Variants in CDKL4 observed in about 807,000 individuals in gnomAD.
The protein encoded by CDKL4 is cyclin-dependent kinase-like 4.
Under a neutral mutation model 42.0 loss-of-function variants are expected in CDKL4, and 44 were observed. That is an observed-to-expected ratio of 1.05 (90% CI 0.82 to 1.35). The LOEUF is 1.35. CDKL4 is among the 40% of genes most tolerant of loss of function. CDKL4 has a pLI of 0.00. For missense variants in CDKL4, 393 were observed against 369.9 expected, an observed-to-expected ratio of 1.06 and a Z score of -0.51; for synonymous variants, 120 against 121.6, an observed-to-expected ratio of 0.99 and a Z score of 0.09.
chr2:39,206,616 TC>T (rs1308973442), intron 4 of CDKL4, among the ~76,000 whole-genome samples: 1 of 151,992 alleles, frequency 6.6e-6, no homozygotes, highest in South Asian at 2.1e-4. Flanking sequence ...TTATCCACGC[TC>T]CCAAAAAAGA....
At chr2:39,183,733 A>G (rs1675569291) in intron 8 of CDKL4, among the ~76,000 whole-genome samples, 1 of 152,216 alleles carries the variant, frequency 6.6e-6, no homozygotes, top group Non-Finnish European at 1.5e-5. Flanking sequence ...GGGTGAAAGC[A>G]GATCTGGGCA....
intron 5 of CDKL4, among the ~76,000 whole-genome samples, chr2:39,198,599 A>C (rs567390957): frequency 2.6e-5 from 4 of 151,972 alleles, no homozygotes; most frequent in African/African-American, 9.6e-5. Context: ...GCCACAAAAT[A>C]AAAAAATTTA....
downstream of CDKL4, among the ~76,000 whole-genome samples, chr2:39,173,129 T>C (rs78568497): frequency 8.8e-3 from 1,336 of 152,318 alleles, 24 homozygotes; most frequent in African/African-American, 0.03. Flanking sequence ...AATGGAATGC[T>C]GTCTTATTTT....
Position 39,239,111 on chromosome 2 carries a change from C to G in CDKL4, c.-57+4760G>C, listed in dbSNP as rs953558315. 1.3e-5 allele frequency among the ~76,000 whole-genome samples: 2 copies of G among 152,134 alleles called. 1 individual carries two copies. Among genetic ancestry groups the G allele is most frequent in the East Asian group, 3.8e-4 (2 of 5,202 alleles). On this transcript the variant is annotated intron_variant, in intron 1 of 9. Transcript: ENST00000451199. The stretch of plus-strand genomic sequence containing the variant: ...GACAAGGAAAGAATAGTCTTTTCAA[C>G]AAATGATACTAGGACCATTGGATAT...
At chr2:39,246,593 T>C (rs116388537), upstream of CDKL4, among the ~76,000 whole-genome samples, 615 of 152,358 alleles carry the variant, frequency 4.0e-3, 2 homozygotes, top group Non-Finnish European at 5.7e-3. Context: ...TCAATGTCAC[T>C]ATTTCTTGAA....
At chr2:39,204,847 T>C (rs1470415246) in intron 4 of CDKL4, among the ~76,000 whole-genome samples, 1 of 152,114 alleles carries the variant, frequency 6.6e-6, no homozygotes, top group Admixed American at 6.5e-5. Flanking sequence ...ATTGAAATTA[T>C]AATTGTATAT....
exon 7 of CDKL4, chr2:39,187,682 A>G (rs1675907814): frequency 1.2e-6 from 2 of 1,612,674 alleles, no homozygotes; most frequent in Non-Finnish European, 1.7e-6. Flanking sequence ...ACTTTTAAAG[A>G]TTGATTGATG....
intron 7 of CDKL4, among the ~76,000 whole-genome samples, chr2:39,185,986 G>C (rs1675810847): frequency 6.6e-6 from 1 of 151,990 alleles, no homozygotes; most frequent in South Asian, 2.1e-4. Context: ...AAATACATTG[G>C]ACTACATGCA....
chr2:39,215,721 A>C (rs2148358698), intron 3 of CDKL4, among the ~76,000 whole-genome samples: 1 of 152,316 alleles, frequency 6.6e-6, no homozygotes, highest in East Asian at 1.9e-4. Context: ...CAAGAGTCTG[A>C]AGTATATGCA....
At chr2:39,201,809 T>G (rs965098020) in intron 5 of CDKL4, among the ~76,000 whole-genome samples, 3 of 152,058 alleles carry the variant, frequency 2.0e-5, no homozygotes, top group East Asian at 1.9e-4. Flanking sequence ...ATAAGAATAA[T>G]ACAATGGACT....
At chr2:39,213,579 A>G in intron 3 of CDKL4, 107 bp from the exon 4 acceptor site, 1 of 627,380 alleles carries the variant, frequency 1.6e-6, no homozygotes, top group Non-Finnish European at 2.9e-6. Context: ...TTCAAGGAAC[A>G]CCATGCGGAA....
In CDKL4 at chr2:39,233,854, C is replaced by T. The variant is rs185139997; in HGVS notation, c.-56-4266G>A. Among the ~76,000 whole-genome samples, 4 of 148,128 alleles carry T rather than the reference C, an allele frequency of 2.7e-5. No individual in the cohort carries two copies. The Admixed American group carries it at 2.7e-4, about 10-fold the overall frequency. On this transcript the variant is annotated intron_variant, in intron 1 of 9. Coordinates refer to ENST00000451199, the Ensembl canonical transcript of CDKL4. ...CACAATGAATCAGATATTCAAATCA[C>T]AAGTGGACAAAAATTATTTAAGAAG... is the stretch of plus-strand genomic sequence containing the variant.
In CDKL4 at chr2:39,216,781, T is replaced by C. The variant is rs532998969; in HGVS notation, c.291-3309A>G. Among the ~76,000 whole-genome samples the C allele has an allele frequency of 2.0e-4, 30 of 152,178 alleles. 1 individual carries two copies. In the South Asian group the frequency reaches 5.4e-3, roughly 27 times the overall value. On this transcript the variant is annotated intron_variant, in intron 3 of 9. Coordinates refer to ENST00000451199, the Ensembl canonical transcript of CDKL4. ...TTGGGAAACAAGGTAGGGGCTAGGA[T>C]TGAGAAACTGCAAAACGCCAATTAC...
chr2:39,182,873 C>T (rs1420930689), intron 8 of CDKL4, among the ~76,000 whole-genome samples: 1 of 152,232 alleles, frequency 6.6e-6, no homozygotes, highest in Non-Finnish European at 1.5e-5. Context: ...TGCCACCACT[C>T]TCCTTGACTC....
At chr2:39,185,651 C>T (rs775845983) in intron 7 of CDKL4, among the ~76,000 whole-genome samples, 14 of 151,044 alleles carry the variant, frequency 9.3e-5, no homozygotes, top group African/African-American at 2.7e-4. Context: ...TTAGTACAGA[C>T]GGGGTTTCAC....
intron 5 of CDKL4, among the ~76,000 whole-genome samples, chr2:39,198,872 C>T (rs1370600429): frequency 1.3e-5 from 2 of 151,960 alleles, no homozygotes; most frequent in Non-Finnish European, 2.9e-5. Context: ...TAAATGCCTA[C>T]ATCAAAAAGT....
intron 3 of CDKL4, among the ~76,000 whole-genome samples, chr2:39,223,832 A>G (rs1168191137): frequency 6.6e-6 from 1 of 152,074 alleles, no homozygotes; most frequent in Non-Finnish European, 1.5e-5. Flanking sequence ...TCCCAAGCTC[A>G]GCTGATCCAC....
At chr2:39,179,036 C>A in intron 9 of CDKL4, 151 bp downstream of exon 9, 1 of 1,483,130 alleles carries the variant, frequency 6.7e-7, no homozygotes, top group South Asian at 1.4e-5. Flanking sequence ...TTTATTACAT[C>A]AATTACCAAT....
At chr2:39,200,426 C>A (rs1398676119) in intron 5 of CDKL4, among the ~76,000 whole-genome samples, 2 of 152,062 alleles carry the variant, frequency 1.3e-5, no homozygotes, top group Non-Finnish European at 2.9e-5. Flanking sequence ...AAGCAACCTA[C>A]AAATCCAATG....
Sources: allele counts gnomAD v4.1 joint callset (sites outside exome capture counted in the v4.1 genomes callset), GRCh38; gene constraint gnomAD v4.1.1; transcripts MANE v1.5; gene names NCBI Gene and HGNC (gene_info 2026-07-23, HGNC 2026-07-21).